CHD3: variants seen among roughly 807,000 people sequenced by gnomAD.
CHD3 encodes ATP-dependent chromatin remodeler CHD3.
In CHD3, 52 loss-of-function variants were observed where a neutral mutation model predicts 248.9. That is an observed-to-expected ratio of 0.21 (90% CI 0.17 to 0.26). CHD3 has a LOEUF of 0.26. CHD3 is among the 10% of genes least tolerant of loss of function. The pLI is 1.00. For synonymous variants in CHD3, 985 were observed against 985.2 expected, an observed-to-expected ratio of 1.00 and a Z score of 0.00; for missense variants, 1,482 against 2,605.8, an observed-to-expected ratio of 0.57 and a Z score of 9.39.
chr17:7,893,082 T>G (rs887492912), intron 4 of CHD3, among the ~76,000 whole-genome samples: 1 of 152,186 alleles, frequency 6.6e-6, no homozygotes, highest in Admixed American at 6.5e-5. Context: ...GTATTTCTTT[T>G]TTAATGCTTT....
chr17:7,896,207 G>A (rs1403638523), intron 10 of CHD3, among the ~76,000 whole-genome samples: 2 of 127,132 alleles, frequency 1.6e-5, no homozygotes, highest in African/African-American at 3.1e-5. Context: ...CAGCCTGGGC[G>A]ACAGAGCGAC....
rs145839343 is a variant in CHD3 at position 7,903,598 on chromosome 17, C to T, written c.3727+95C>T. On this transcript the variant is annotated intron_variant, in intron 23 of 39. Coordinates refer to ENST00000330494, the MANE Select transcript of CHD3 (RefSeq NM_001005273.3). This position sits in a 1 kb window ranked among gnomAD's most constrained non-coding sequence, Gnocchi z 6.8. Reference sequence around the variant, plus strand: ...GGGAGAGAAAAACAACTCTTCTCTGCAGCCTTTGAAGGAAGGAGAGCCTTC... The same window carrying T: ...GGGAGAGAAAAACAACTCTTCTCTGTAGCCTTTGAAGGAAGGAGAGCCTTC... 112 of 1,161,752 alleles carry T rather than the reference C, an allele frequency of 9.6e-5. No homozygotes were observed. The Middle Eastern group carries it at 2.8e-3, about 29-fold the overall frequency. 72.0% of individuals were successfully genotyped at this position (1,161,752 alleles called of 1,614,324 possible).
Position 7,903,978 on chromosome 17 carries a change from G to A in CHD3, c.3881G>A (p.Arg1294Gln), listed in dbSNP as rs1970604170. ...TTCAAGGTGGCACAGTACGTCGTGC[G>A]GGAAGAAGACAAGGTGAGAGGCTTT... Reference protein sequence around the residue: ...SSFKVAQYVVREEDKIEEIER... With the variant: ...SSFKVAQYVVQEEDKIEEIER... Residue 1294 changes from arginine to glutamine, a missense_variant, in exon 24 of 40, where the codon CGG (arginine) becomes CAG (glutamine). Around this residue, in one of 20 missense-constraint regions of CHD3, gnomAD observed 156 missense variants for 420.3 expected, o/e 0.37. Transcript: ENST00000330494. The surrounding 1 kb of genome is among the most constrained non-coding windows in gnomAD (Gnocchi z 6.8). 9 of 1,613,884 alleles carry A rather than the reference G, an allele frequency of 5.6e-6. No individual in the cohort carries two copies. The highest frequency in any genetic ancestry group is 6.8e-6 in the Non-Finnish European group (8 of 1,179,902).
At position 7,906,230 on chromosome 17, in the gene CHD3, G is replaced by A. The variant is rs762026638; in HGVS notation, c.4358+241G>A. On this transcript the variant is annotated intron_variant, in intron 28 of 39. Transcript: ENST00000330494. This position sits in a 1 kb window ranked among gnomAD's most constrained non-coding sequence, Gnocchi z 5.0. ...CAGGGGAGGGGCGTTGAAGCAAGGA[G>A]CCTCTCCTGGGCTGTCCTAGCCTCA... 3.9e-6 allele frequency: 3 copies of A among 765,240 alleles called. No homozygotes were observed. In the South Asian group the frequency reaches 4.1e-5, roughly 10 times the overall value. 47.4% of individuals were successfully genotyped at this position (765,240 alleles called of 1,614,324 possible).
At chr17:7,884,811 C>CA, upstream of CHD3, 1 of 749,700 alleles carries the variant, frequency 1.3e-6, no homozygotes, top group South Asian at 2.4e-5. Flanking sequence ...CACAGGATGG[C>CA]TTCCCCTCTG....
chr17:7,903,678 CAAACA>C lies in CHD3; in HGVS notation c.3728-138_3728-134del, dbSNP rs1157364557. ...TCTTTCTTTGCCTGTAGGGTTAAAA[CAAACA>C]AAACAAAAACCTTTCAACATTGGCT... On this transcript the variant is annotated intron_variant, in intron 23 of 39. Coordinates refer to ENST00000330494, the MANE Select transcript of CHD3 (RefSeq NM_001005273.3). This position sits in a 1 kb window ranked among gnomAD's most constrained non-coding sequence, Gnocchi z 6.8. 7.3e-6 allele frequency: 8 copies of C among 1,090,228 alleles called. No individual in the cohort carries two copies. The highest frequency in any genetic ancestry group is 1.0e-5 in the Non-Finnish European group (8 of 767,800). 67.5% of individuals were successfully genotyped at this position (1,090,228 alleles called of 1,614,324 possible).
chr17:7,903,590 C>T lies in CHD3; in HGVS notation c.3727+87C>T, dbSNP rs1970560145. 2 of 1,192,046 alleles carry T rather than the reference C, an allele frequency of 1.7e-6. No homozygotes were observed. Among genetic ancestry groups the T allele is most frequent in the Non-Finnish European group, 2.4e-6 (2 of 839,468 alleles). 73.8% of individuals were successfully genotyped at this position (1,192,046 alleles called of 1,614,324 possible). ...GCCCCCTGGGGAGAGAAAAACAACTCTTCTCTGCAGCCTTTGAAGGAAGGA... is the reference window on the plus strand; with the variant it reads ...GCCCCCTGGGGAGAGAAAAACAACTTTTCTCTGCAGCCTTTGAAGGAAGGA... On this transcript the variant is annotated intron_variant, in intron 23 of 39. Coordinates refer to ENST00000330494, the MANE Select transcript of CHD3 (RefSeq NM_001005273.3). The surrounding 1 kb of genome is among the most constrained non-coding windows in gnomAD (Gnocchi z 6.8).
Position 7,900,429 on chromosome 17 carries a change from G to C in CHD3, c.2804+18G>C, listed in dbSNP as rs1368124740. The stretch of plus-strand genomic sequence containing the variant: ...AGATTTAAGTAAGTGGTTCCCTAAG[G>C]GTAGTTGGCAGAGATGAGAGGTGGA... On this transcript the variant is annotated intron_variant, in intron 17 of 39. Coordinates refer to ENST00000330494, the MANE Select transcript of CHD3 (RefSeq NM_001005273.3). This position sits in a 1 kb window ranked among gnomAD's most constrained non-coding sequence, Gnocchi z 6.5. The C allele has an allele frequency of 1.2e-6, 2 of 1,614,066 alleles. No individual in the cohort carries two copies. Among genetic ancestry groups the C allele is most frequent in the Non-Finnish European group, 1.7e-6 (2 of 1,179,998 alleles).
In CHD3 at chr17:7,908,733, T is replaced by G; in HGVS notation, c.5298T>G (p.Asp1766Glu). Residue 1766 changes from aspartate to glutamate, a missense_variant, in exon 36 of 40, where the codon GAT (aspartate) becomes GAG (glutamate). Physicochemically the swap from Asp to Glu is conservative, Grantham distance 45. Around this residue, in one of 20 missense-constraint regions of CHD3, gnomAD observed 27 missense variants for 23.5 expected, o/e 1.15. Coordinates refer to ENST00000330494, the MANE Select transcript of CHD3 (RefSeq NM_001005273.3). This position sits in a 1 kb window ranked among gnomAD's most constrained non-coding sequence, Gnocchi z 5.8. ...CACGGTGGCAGGACATCCAGAATGA[T>G]GCTCAATTTGCCATTATCAACGAGC... The part of the protein sequence containing the change: ...GYARWQDIQN[D>E]AQFAIINEPF... 6.2e-7 allele frequency: 1 copy of G among 1,614,188 alleles called. No individual in the cohort carries two copies. The highest frequency in any genetic ancestry group is 8.5e-7 in the Non-Finnish European group (1 of 1,180,030).
At chr17:7,888,773 GTGTC>G (rs996237579), upstream of CHD3, 28 of 1,387,176 alleles carry the variant, frequency 2.0e-5, no homozygotes, top group African/African-American at 2.2e-4. Context: ...TATGCTGGGT[GTGTC>G]TGTCTGTGCC....
chr17:7,888,318 C>T (rs913038107), upstream of CHD3, among the ~76,000 whole-genome samples: 4 of 152,210 alleles, frequency 2.6e-5, no homozygotes, highest in African/African-American at 9.7e-5. Flanking sequence ...GAAACGGAGG[C>T]CTCTGGTGTT....
In CHD3 at chr17:7,907,820, A is replaced by C. The variant is rs541627106; in HGVS notation, c.5027-74A>C. On this transcript the variant is annotated intron_variant, in intron 33 of 39. Coordinates refer to ENST00000330494, the MANE Select transcript of CHD3 (RefSeq NM_001005273.3). The surrounding 1 kb of genome is among the most constrained non-coding windows in gnomAD (Gnocchi z 4.3). ...GCTGTTTGAAAGGCCAGTACAGTAC[A>C]GTACAGATAGTAGTCTTGGGACCTG... The C allele has an allele frequency of 4.7e-5, 74 of 1,558,334 alleles. No individual in the cohort carries two copies. Among genetic ancestry groups the C allele is most frequent in the Non-Finnish European group, 6.2e-5 (71 of 1,149,542 alleles).
chr17:7,894,720 G>C, intron 8 of CHD3, 112 bp downstream of exon 8: 1 of 1,348,060 alleles, frequency 7.4e-7, no homozygotes, highest in Non-Finnish European at 1.0e-6. Context: ...CTTAGTAACA[G>C]ATGTCCGAGT....
rs1291739907 is a variant in CHD3, at chr17:7,900,217, A to G, written c.2683-73A>G. On this transcript the variant is annotated intron_variant, in intron 16 of 39. Transcript: ENST00000330494. This position sits in a 1 kb window ranked among gnomAD's most constrained non-coding sequence, Gnocchi z 6.5. ...GTGAAATGGGAGCTGGGGCAGGGAAAGGCTGATGCTGTGGGTCGGTCACTT... is the reference window on the plus strand; with the variant it reads ...GTGAAATGGGAGCTGGGGCAGGGAAGGGCTGATGCTGTGGGTCGGTCACTT... 1 of 1,597,068 alleles carries G rather than the reference A, an allele frequency of 6.3e-7. No individual in the cohort carries two copies. The highest frequency in any genetic ancestry group is 1.1e-5 in the South Asian group (1 of 89,026).
chr17:7,896,508 C>T (rs1439812765), intron 10 of CHD3, among the ~76,000 whole-genome samples: 4 of 151,036 alleles, frequency 2.6e-5, no homozygotes, highest in African/African-American at 7.3e-5. Context: ...TGGGTTCAAG[C>T]GATTCTCCTG....
chr17:7,890,899 G>C (rs753570738), intron 3 of CHD3, 41 bp from the exon 4 acceptor site: 21 of 1,612,714 alleles, frequency 1.3e-5, no homozygotes, highest in Non-Finnish European at 1.7e-5. Flanking sequence ...TGGAATAGGG[G>C]CTGGAGGAGC....
chr17:7,897,986 G>A lies in CHD3; in HGVS notation c.1935G>A (p.Gly645=). 6.2e-7 allele frequency: 1 copy of A among 1,613,888 alleles called. No individual in the cohort carries two copies. The highest frequency in any genetic ancestry group is 8.5e-7 in the Non-Finnish European group (1 of 1,179,904). The part of the protein sequence containing the change: ...RIINHSVDKK[G]NYHYLVKWRD... ...TGCCCCACAGTGTGGATAAAAAGGG[G>A]AATTACCACTATCTAGTAAAATGGA... is the stretch of plus-strand genomic sequence containing the variant. The change falls in exon 12 of 40, where the codon GGG becomes GGA. Residue 645 remains glycine, a synonymous_variant. Coordinates refer to ENST00000330494, the MANE Select transcript of CHD3 (RefSeq NM_001005273.3). The surrounding 1 kb of genome is among the most constrained non-coding windows in gnomAD (Gnocchi z 4.8).
At position 7,902,603 on chromosome 17, in the gene CHD3, G is replaced by A. The variant is rs755886972; in HGVS notation, c.3253-7G>A. 1 of 1,593,834 alleles carries A rather than the reference G, an allele frequency of 6.3e-7. No individual in the cohort carries two copies. Among genetic ancestry groups the A allele is most frequent in the Non-Finnish European group, 8.6e-7 (1 of 1,161,958 alleles). On this transcript the variant is annotated splice_polypyrimidine_tract_variant and splice_region_variant and intron_variant, in intron 20 of 39. Transcript: ENST00000330494. ...ATTGCAGACTCCATCCTTTTCTCTTGCTCTAGATGACCAAAATGTTAGACT... is the reference window on the plus strand; with the variant it reads ...ATTGCAGACTCCATCCTTTTCTCTTACTCTAGATGACCAAAATGTTAGACT...
chr17:7,893,460 C>G lies in CHD3; in HGVS notation c.684C>G (p.Val228=). 1.2e-6 allele frequency: 2 copies of G among 1,610,578 alleles called. No homozygotes were observed. The highest frequency in any genetic ancestry group is 1.7e-6 in the Non-Finnish European group (2 of 1,178,042). The change falls in exon 5 of 40, where the codon GTC becomes GTG. Residue 228 remains valine (V), a synonymous_variant. Coordinates refer to ENST00000330494, the MANE Select transcript of CHD3 (RefSeq NM_001005273.3). The stretch of plus-strand genomic sequence containing the variant: ...TAGCTGAGCAGGTGTCAGCTGCTGT[C>G]TCGTCGGCCACCCCCATAGCACCCT... The part of the protein sequence containing the change: ...AAVAEQVSAA[V]SSATPIAPSG...
Sources: allele counts gnomAD v4.1 joint callset (sites outside exome capture counted in the v4.1 genomes callset), GRCh38; gene constraint gnomAD v4.1.1; regional missense constraint gnomAD v4.1.1; non-coding constraint Gnocchi (gnomAD v3.1); transcripts MANE v1.5; gene names NCBI Gene and HGNC (gene_info 2026-07-23, HGNC 2026-07-21).